HTR4: variants seen among roughly 807,000 people sequenced by gnomAD.
HTR4 encodes 5-hydroxytryptamine receptor 4.
Under a neutral mutation model 36.8 loss-of-function variants are expected in HTR4, and 16 were observed. The ratio of observed to expected loss-of-function variants is 0.43; its 90% CI spans 0.29 to 0.66. The LOEUF is 0.66. Ranked by LOEUF, HTR4 falls within the 30% of genes least tolerant of loss-of-function variation. HTR4 has a pLI of 0.13. For missense variants in HTR4, 438 were observed against 490.9 expected, an observed-to-expected ratio of 0.89 and a Z score of 1.02; for synonymous variants, 189 against 185.1, an observed-to-expected ratio of 1.02 and a Z score of -0.17.
chr5:148,502,885 G>A (rs1439368341), intron 6 of HTR4, among the ~76,000 whole-genome samples: 1 of 152,166 alleles, frequency 6.6e-6, no homozygotes, highest in African/African-American at 2.4e-5. Context: ...CTGGAAGAAA[G>A]GGTATCAGTG....
intron 5 of HTR4, among the ~76,000 whole-genome samples, chr5:148,465,670 A>T (rs1755408339): frequency 6.6e-6 from 1 of 152,214 alleles, no homozygotes; most frequent in African/African-American, 2.4e-5. Flanking sequence ...TTAAAAATAG[A>T]AAATTAAATA....
At chr5:148,476,870 T>G, downstream of HTR4, 1 of 1,457,650 alleles carries the variant, frequency 6.9e-7, no homozygotes, top group Non-Finnish European at 9.2e-7. Context: ...CATGCAGTCC[T>G]GGAGGCTGGA....
intron 5 of HTR4, among the ~76,000 whole-genome samples, chr5:148,464,977 T>C (rs185114520): frequency 4.8e-4 from 73 of 152,250 alleles, no homozygotes; most frequent in African/African-American, 1.6e-3. Flanking sequence ...ATCTGAAAAG[T>C]TTATGCACTG....
At chr5:148,502,456 A>C (rs902757818) in intron 6 of HTR4, among the ~76,000 whole-genome samples, 2 of 152,216 alleles carry the variant, frequency 1.3e-5, no homozygotes, top group African/African-American at 4.8e-5. Flanking sequence ...TAGAAGGAAA[A>C]CTGAAAAACA....
At chr5:148,552,822 AT>A (rs1156809866) in intron 2 of HTR4, among the ~76,000 whole-genome samples, 1 of 152,202 alleles carries the variant, frequency 6.6e-6, no homozygotes, top group Non-Finnish European at 1.5e-5. Context: ...ATGAAATGCT[AT>A]GTATTAATAT....
chr5:148,645,496 GGGCCAGATAGTTTGCCAACCCC>G (rs1753854117), intron 1 of HTR4: 1 of 151,968 alleles, frequency 6.6e-6, no homozygotes, highest in Non-Finnish European at 1.5e-5. Context: ...AACAGGCAGT[GGGCCAGATAGTTTGCCAACCCC>G]TGATTCAAAC....
At chr5:148,638,234 C>T (rs1346967106) in intron 1 of HTR4, among the ~76,000 whole-genome samples, 1 of 152,192 alleles carries the variant, frequency 6.6e-6, no homozygotes, top group East Asian at 1.9e-4. Flanking sequence ...CTCCCATGGG[C>T]ATTTCTGGGC....
intron 2 of HTR4, among the ~76,000 whole-genome samples, chr5:148,557,070 C>A (rs115782319): frequency 1.3e-5 from 2 of 152,094 alleles, no homozygotes; most frequent in Admixed American, 1.3e-4. Flanking sequence ...GACAAGTAGT[C>A]GGAAGCCAGA....
chr5:148,584,489 T>C (rs1290773987), intron 2 of HTR4, among the ~76,000 whole-genome samples: 3 of 152,280 alleles, frequency 2.0e-5, no homozygotes, highest in African/African-American at 7.2e-5. Flanking sequence ...AATTACAAAG[T>C]AAAAATAGCT....
intron 2 of HTR4, among the ~76,000 whole-genome samples, chr5:148,610,393 G>A (rs1165047814): frequency 6.6e-6 from 1 of 152,130 alleles, no homozygotes; most frequent in Non-Finnish European, 1.5e-5. Flanking sequence ...AGCCTAACTG[G>A]GAGGCACCCT....
chr5:148,479,134 T>A (rs1755797276), downstream of HTR4, among the ~76,000 whole-genome samples: 2 of 152,242 alleles, frequency 1.3e-5, no homozygotes, highest in South Asian at 4.1e-4. Flanking sequence ...CTGGACAGGA[T>A]CCCCATCCTC....
intron 4 of HTR4, among the ~76,000 whole-genome samples, chr5:148,538,220 G>C (rs1156472889): frequency 6.6e-6 from 1 of 152,110 alleles, no homozygotes; most frequent in African/African-American, 2.4e-5. Context: ...ACTAGGTATT[G>C]AGGGAACATA....
chr5:148,533,894 C>T (rs1304550004), intron 4 of HTR4, among the ~76,000 whole-genome samples: 2 of 152,138 alleles, frequency 1.3e-5, no homozygotes, highest in African/African-American at 4.8e-5. Flanking sequence ...TATAAACAGA[C>T]TCAAATATAT....
At chr5:148,607,305 T>C (rs1389565227) in intron 2 of HTR4, among the ~76,000 whole-genome samples, 1 of 152,196 alleles carries the variant, frequency 6.6e-6, no homozygotes, top group Non-Finnish European at 1.5e-5. Context: ...GGGCACAGAC[T>C]GGACCAGAGT....
At chr5:148,460,522 G>A (rs1581335028) in intron 5 of HTR4, among the ~76,000 whole-genome samples, 2 of 152,148 alleles carry the variant, frequency 1.3e-5, no homozygotes, top group Non-Finnish European at 2.9e-5. Context: ...ATGGCAACCT[G>A]GAATTCCAAC....
At chr5:148,510,088 G>A in intron 5 of HTR4, 64 bp from the exon 6 acceptor site, 2 of 1,084,114 alleles carry the variant, frequency 1.8e-6, no homozygotes, top group Admixed American at 2.6e-5. Flanking sequence ...AAGTGAAAAA[G>A]AAGTGGGAAA....
intron 6 of HTR4, among the ~76,000 whole-genome samples, chr5:148,503,705 A>G (rs1581391427): frequency 6.6e-6 from 1 of 152,342 alleles, no homozygotes; most frequent in African/African-American, 2.4e-5. Flanking sequence ...GGCAAATTGG[A>G]TAAAGAGTCA....
intron 2 of HTR4, among the ~76,000 whole-genome samples, chr5:148,550,465 T>C (rs185291065): frequency 6.6e-6 from 1 of 152,202 alleles, no homozygotes; most frequent in Non-Finnish European, 1.5e-5. Context: ...AAGAGGAGTA[T>C]GAGGCTTAGA....
intron 4 of HTR4, among the ~76,000 whole-genome samples, chr5:148,545,350 T>C (rs2113839920): frequency 6.6e-6 from 1 of 152,392 alleles, no homozygotes; most frequent in Middle Eastern, 3.4e-3. Context: ...CAATCGTGTT[T>C]GTCAAATACC....
Sources: allele counts gnomAD v4.1 joint callset (sites outside exome capture counted in the v4.1 genomes callset), GRCh38; gene constraint gnomAD v4.1.1; transcripts MANE v1.5; gene names NCBI Gene and HGNC (gene_info 2026-07-23, HGNC 2026-07-21).